Variants in NTN1 observed in about 807,000 individuals in gnomAD.
NTN1 encodes the protein netrin 1.
Under a neutral mutation model 54.2 loss-of-function variants are expected in NTN1, and 11 were observed. The ratio of observed to expected loss-of-function variants is 0.20; its 90% CI spans 0.13 to 0.34. NTN1 has a LOEUF of 0.34. NTN1 is among the 10% of genes least tolerant of loss of function. The probability of loss-of-function intolerance (pLI) is 1.00; values close to 1 mark genes in which losing one functional copy is unlikely to be tolerated. For missense variants in NTN1, 740 were observed against 893.1 expected, an observed-to-expected ratio of 0.83 and a Z score of 2.18; for synonymous variants, 371 against 382.0, an observed-to-expected ratio of 0.97 and a Z score of 0.33.
In NTN1 at chr17:9,022,539, G is replaced by A; in HGVS notation, c.166G>A (p.Val56Ile). 6.4e-7 allele frequency: 1 copy of A among 1,551,360 alleles called. No homozygotes were observed. The highest frequency in any genetic ancestry group is 2.4e-5 in the East Asian group (1 of 41,456). Residue 56 changes from valine to isoleucine, a missense_variant, in exon 2 of 7, where the codon GTC becomes ATC. Coordinates refer to ENST00000173229, the MANE Select transcript of NTN1 (RefSeq NM_004822.3). ...CCCGCGCCGCTGCATCCCGGACTTT[G>A]TCAATGCGGCCTTCGGCAAGGACGT... ...GHPRRCIPDFVNAAFGKDVRV... is the reference protein window; with the variant it reads ...GHPRRCIPDFINAAFGKDVRV...
At chr17:9,042,395 G>A (rs2091924903) in intron 2 of NTN1, among the ~76,000 whole-genome samples, 1 of 151,880 alleles carries the variant, frequency 6.6e-6, no homozygotes, top group African/African-American at 2.4e-5. Flanking sequence ...GAGGCAGGAA[G>A]ATTGCACGAG....
chr17:9,012,972 T>C, the NTN1 span, among the ~76,000 whole-genome samples: 1 of 152,174 alleles, frequency 6.6e-6, no homozygotes, highest in Non-Finnish European at 1.5e-5. Context: ...GGGGGTGGGA[T>C]GGCTCTTTAA....
chr17:9,239,943 A>C lies in NTN1; in HGVS notation c.1790A>C (p.Lys597Thr). The change falls in exon 7 of 7, where the codon AAG (lysine) becomes ACG (threonine). Residue 597 changes from lysine to threonine, a missense_variant. Coordinates refer to ENST00000173229, the MANE Select transcript of NTN1 (RefSeq NM_004822.3). This position sits in a 1 kb window ranked among gnomAD's most constrained non-coding sequence, Gnocchi z 5.2. Reference sequence around the variant, plus strand: ...CTGCGCAAGTTCCAGCAGCGTGAGAAGAAGGGCAAGTGCAAGAAGGCCTAG... The same window carrying C: ...CTGCGCAAGTTCCAGCAGCGTGAGACGAAGGGCAAGTGCAAGAAGGCCTAG... ...RRLRKFQQREKKGKCKKA is the reference protein window; with the variant it reads ...RRLRKFQQRETKGKCKKA The C allele has an allele frequency of 7.5e-7, 1 of 1,336,986 alleles. No individual in the cohort carries two copies. The highest frequency in any genetic ancestry group is 4.9e-5 in the East Asian group (1 of 20,550). 82.8% of individuals were successfully genotyped at this position (1,336,986 alleles called of 1,614,324 possible).
At position 9,153,036 on chromosome 17, in the gene NTN1, A is replaced by G. The variant is rs375506237; in HGVS notation, c.1019-9777A>G. On this transcript the variant is annotated intron_variant, in intron 2 of 6. Coordinates refer to ENST00000173229, the MANE Select transcript of NTN1 (RefSeq NM_004822.3). ...GTAATCCAAGCACTTTGGGAGGCCTAGGAGGGTGGATCATCTGAGATCAGG... is the reference window on the plus strand; with the variant it reads ...GTAATCCAAGCACTTTGGGAGGCCTGGGAGGGTGGATCATCTGAGATCAGG... Among the ~76,000 whole-genome samples, 19 of 152,110 alleles carry G rather than the reference A, an allele frequency of 1.2e-4. No individual in the cohort carries two copies. The East Asian group carries it at 1.7e-3, about 14-fold the overall frequency.
the NTN1 span, among the ~76,000 whole-genome samples, chr17:9,005,376 CAG>C: frequency 6.6e-6 from 1 of 152,116 alleles, no homozygotes; most frequent in Non-Finnish European, 1.5e-5. Flanking sequence ...TCATGGCAAA[CAG>C]TGAATCTCGG....
At chr17:9,013,420 T>C in the NTN1 span, among the ~76,000 whole-genome samples, 1 of 152,176 alleles carries the variant, frequency 6.6e-6, no homozygotes, top group Non-Finnish European at 1.5e-5. Flanking sequence ...TTCTCCATGT[T>C]GGTCAGGCTG....
chr17:9,133,095 G>A (rs960487952), intron 2 of NTN1, among the ~76,000 whole-genome samples: 1 of 136,702 alleles, frequency 7.3e-6, no homozygotes, highest in Non-Finnish European at 1.6e-5. Flanking sequence ...CACCCAGTGC[G>A]AGCCACCGAG....
intron 2 of NTN1, among the ~76,000 whole-genome samples, chr17:9,080,601 T>A (rs571129620): frequency 6.6e-6 from 1 of 152,358 alleles, no homozygotes; most frequent in Non-Finnish European, 1.5e-5. Flanking sequence ...GATTGGTTGG[T>A]GGCTGGCAGC....
In NTN1 at chr17:9,127,075, G is replaced by C. The variant is rs1021722886; in HGVS notation, c.1019-35738G>C. On this transcript the variant is annotated intron_variant, in intron 2 of 6. Coordinates refer to ENST00000173229, the MANE Select transcript of NTN1 (RefSeq NM_004822.3). ...GGAGTGAGATTGTGGTAGGGCCGGG[G>C]GGGGGCAGGACAGGGAGTTAGGATT... Among the ~76,000 whole-genome samples the C allele has an allele frequency of 4.7e-5, 7 of 149,390 alleles. 1 individual carries two copies. The highest frequency in any genetic ancestry group is 4.1e-4 in the East Asian group (2 of 4,938).
upstream of NTN1, among the ~76,000 whole-genome samples, chr17:9,020,923 CG>C (rs1050828306): frequency 5.3e-5 from 8 of 152,328 alleles, no homozygotes; most frequent in Admixed American, 5.2e-4. Flanking sequence ...AGCCCCTCCT[CG>C]CCGGACCCCG....
chr17:9,038,813 C>G (rs59388981), intron 2 of NTN1, among the ~76,000 whole-genome samples: 23,165 of 152,054 alleles, frequency 0.15, 1,929 homozygotes, highest in Non-Finnish European at 0.18. Flanking sequence ...TTTAAACTTA[C>G]ATTTCATCTA....
At position 9,219,172 on chromosome 17, in the gene NTN1, C is replaced by T. The variant is rs1905276385; in HGVS notation, c.1412-1996C>T. ...GCTGTTCCTCACAGGGAAGTGCGGCCGCGGTGCTGATGGTGCTGATGGCGC... is the reference window on the plus strand; with the variant it reads ...GCTGTTCCTCACAGGGAAGTGCGGCTGCGGTGCTGATGGTGCTGATGGCGC... On this transcript the variant is annotated intron_variant, in intron 5 of 6. Transcript: ENST00000173229. The surrounding 1 kb of genome is among the most constrained non-coding windows in gnomAD (Gnocchi z 4.5). Among the ~76,000 whole-genome samples, 1 of 152,160 alleles carries T rather than the reference C, an allele frequency of 6.6e-6. No individual in the cohort carries two copies. The highest frequency in any genetic ancestry group is 1.5e-5 in the Non-Finnish European group (1 of 68,030).
chr17:9,242,150 G>A lies in NTN1; in HGVS notation c.*2182G>A, dbSNP rs1362397306. ...CAGGCCTTGGATGCTCCGAAGAGGT[G>A]GTAGAAAGGTGTTTTTAGAAAGGTG... On this transcript the variant is annotated 3_prime_UTR_variant, in exon 7 of 7. Transcript: ENST00000173229. 2 of 152,556 alleles carry A rather than the reference G, an allele frequency of 1.3e-5. No individual in the cohort carries two copies. Among genetic ancestry groups the A allele is most frequent in the Non-Finnish European group, 2.9e-5 (2 of 68,280 alleles). 9.5% of individuals were successfully genotyped at this position (152,556 alleles called of 1,614,324 possible).
intron 2 of NTN1, among the ~76,000 whole-genome samples, chr17:9,129,556 G>A (rs1023317215): frequency 6.6e-5 from 10 of 152,180 alleles, no homozygotes; most frequent in African/African-American, 1.9e-4. Context: ...AAGCTTCTGT[G>A]TATGTCATAA....
intron 2 of NTN1, among the ~76,000 whole-genome samples, chr17:9,139,475 C>T (rs1483154882): frequency 6.6e-6 from 1 of 152,162 alleles, no homozygotes; most frequent in Non-Finnish European, 1.5e-5. Flanking sequence ...CTTGCTGGGA[C>T]CCACAGGCTT....
chr17:9,108,670 C>T (rs532305908), intron 2 of NTN1, among the ~76,000 whole-genome samples: 34 of 152,328 alleles, frequency 2.2e-4, no homozygotes, highest in African/African-American at 7.9e-4. Context: ...TCAGGTCCAT[C>T]TCCAAATCCT....
At chr17:9,218,706 T>C (rs1349400846) in intron 5 of NTN1, among the ~76,000 whole-genome samples, 2 of 152,186 alleles carry the variant, frequency 1.3e-5, no homozygotes, top group Middle Eastern at 6.8e-3. Context: ...GAGCTCTCAG[T>C]TCTAAGCTAG....
chr17:9,180,703 C>G (rs184591461), intron 4 of NTN1, among the ~76,000 whole-genome samples: 1 of 152,270 alleles, frequency 6.6e-6, no homozygotes, highest in Admixed American at 6.5e-5. Flanking sequence ...CTGGGCAGGG[C>G]TTCCATGCAC....
At chr17:9,229,983 G>C (rs1306710325) in intron 6 of NTN1, among the ~76,000 whole-genome samples, 3 of 152,114 alleles carry the variant, frequency 2.0e-5, no homozygotes, top group Middle Eastern at 3.4e-3. Flanking sequence ...CAGATGAGCC[G>C]GGGAGGGGAG....
Sources: allele counts gnomAD v4.1 joint callset (sites outside exome capture counted in the v4.1 genomes callset), GRCh38; gene constraint gnomAD v4.1.1; non-coding constraint Gnocchi (gnomAD v3.1); transcripts MANE v1.5; gene names NCBI Gene and HGNC (gene_info 2026-07-23, HGNC 2026-07-21).